PRUNE2: variants seen among roughly 807,000 people sequenced by gnomAD.
The protein encoded by PRUNE2 is protein prune homolog 2.
A neutral mutation model predicts 252.0 loss-of-function variants in PRUNE2; 164 were observed. The ratio of observed to expected loss-of-function variants is 0.65; its 90% CI spans 0.57 to 0.74. PRUNE2 has a LOEUF of 0.74. PRUNE2 is among the 30% of genes least tolerant of loss of function. PRUNE2 has a pLI of 0.00. For synonymous variants in PRUNE2, 1,292 were observed against 1,350.2 expected, an observed-to-expected ratio of 0.96 and a Z score of 0.94; for missense variants, 3,495 against 3,711.0, an observed-to-expected ratio of 0.94 and a Z score of 1.51.
At chr9:76,668,162 T>TCTAA (rs2040561322) in intron 9 of PRUNE2, among the ~76,000 whole-genome samples, 1 of 152,212 alleles carries the variant, frequency 6.6e-6, no homozygotes, top group Non-Finnish European at 1.5e-5. Flanking sequence ...ACATAGCCTT[T>TCTAA]GACCAGCTGT....
chr9:76,816,257 A>T (rs1394089450), intron 6 of PRUNE2, among the ~76,000 whole-genome samples: 1 of 152,172 alleles, frequency 6.6e-6, no homozygotes, highest in Non-Finnish European at 1.5e-5. Flanking sequence ...CACTACCTAC[A>T]TACAAATTGT....
intron 9 of PRUNE2, among the ~76,000 whole-genome samples, chr9:76,693,666 A>G (rs1378195883): frequency 6.6e-6 from 1 of 150,954 alleles, no homozygotes; most frequent in Non-Finnish European, 1.5e-5. Context: ...CTGGTCTTGA[A>G]CTCCTGACCT....
chr9:76,823,800 T>A, intron 5 of PRUNE2, 74 bp from the exon 6 acceptor site: 1 of 866,486 alleles, frequency 1.2e-6, no homozygotes, highest in South Asian at 1.5e-5. Flanking sequence ...AGCGATGTTT[T>A]GAAGAATTTA....
intron 4 of PRUNE2, among the ~76,000 whole-genome samples, chr9:76,840,505 C>T (rs190727347): frequency 2.1e-4 from 32 of 152,250 alleles, no homozygotes; most frequent in African/African-American, 7.7e-4. Context: ...TTTTTTGGTA[C>T]AATGTTTATA....
intron 9 of PRUNE2, among the ~76,000 whole-genome samples, chr9:76,677,938 G>T (rs968240080): frequency 1.3e-5 from 2 of 152,320 alleles, no homozygotes; most frequent in Non-Finnish European, 2.9e-5. Flanking sequence ...ATCCTGGGGC[G>T]AACGGGACAC....
At chr9:76,904,789 G>C (rs7869993) in intron 1 of PRUNE2, among the ~76,000 whole-genome samples, 92,742 of 152,104 alleles carry the variant, frequency 0.61, 29,199 homozygotes, top group African/African-American at 0.78. Flanking sequence ...TTACAAGATA[G>C]TTACAGTTAG....
chr9:76,826,249 G>A (rs2058338287), intron 5 of PRUNE2, among the ~76,000 whole-genome samples: 1 of 152,132 alleles, frequency 6.6e-6, no homozygotes, highest in Admixed American at 6.5e-5. Flanking sequence ...CGATGCAGGT[G>A]GATGACTTGA....
intron 6 of PRUNE2, among the ~76,000 whole-genome samples, chr9:76,780,524 A>T (rs74621465): frequency 0.031 from 4,620 of 150,448 alleles, 216 homozygotes; most frequent in African/African-American, 0.1. Flanking sequence ...TGTTTCTAAT[A>T]AAAAAAAATA....
chr9:76,646,753 A>G (rs1845039752), intron 11 of PRUNE2, among the ~76,000 whole-genome samples: 2 of 152,102 alleles, frequency 1.3e-5, no homozygotes, highest in South Asian at 2.1e-4. Context: ...CTTTCCCTCT[A>G]GTGAACTTTC....
intron 6 of PRUNE2, among the ~76,000 whole-genome samples, chr9:76,720,183 C>A (rs1329015): frequency 3.9e-5 from 6 of 152,018 alleles, no homozygotes; most frequent in African/African-American, 1.5e-4. Flanking sequence ...ACAGTGTTAA[C>A]TGGAAGATAA....
chr9:76,720,391 G>A (rs549580360), intron 6 of PRUNE2, among the ~76,000 whole-genome samples: 7 of 152,286 alleles, frequency 4.6e-5, no homozygotes, highest in Non-Finnish European at 1.5e-5. Context: ...AAAGACCTAC[G>A]AGTCAGCCAA....
chr9:76,703,677 G>T lies in PRUNE2; in HGVS notation c.7936C>A (p.Leu2646Met). The part of the protein sequence containing the change: ...LGHSEVGDPS[L>M]DARDSGPGWS... ...CCAGGCCCTGAGTCCCTGGCATCCA[G>T]TGATGGATCACCAACCTCACTATGG... The change falls in exon 9 of 19, where the codon CTG (leucine) becomes ATG (methionine). Residue 2646 changes from leucine to methionine, a missense_variant. Coordinates refer to ENST00000376718, the MANE Select transcript of PRUNE2 (RefSeq NM_015225.3). The T allele has an allele frequency of 6.2e-7, 1 of 1,613,010 alleles. No individual in the cohort carries two copies. Among genetic ancestry groups the T allele is most frequent in the Non-Finnish European group, 8.5e-7 (1 of 1,179,858 alleles).
chr9:76,685,042 G>A (rs1261465842), intron 9 of PRUNE2, among the ~76,000 whole-genome samples: 5 of 152,134 alleles, frequency 3.3e-5, no homozygotes, highest in African/African-American at 4.8e-5. Context: ...GTGAGCCACC[G>A]CGCCCGGCCA....
chr9:76,615,100 A>C, intron 18 of PRUNE2: 1 of 986,478 alleles, frequency 1.0e-6, no homozygotes, highest in Non-Finnish European at 1.2e-6. Context: ...AGCCTACCTT[A>C]CTGAGATGGA....
chr9:76,841,898 G>C (rs1384087137), intron 4 of PRUNE2, among the ~76,000 whole-genome samples: 2 of 152,132 alleles, frequency 1.3e-5, no homozygotes, highest in Admixed American at 6.6e-5. Flanking sequence ...GTTCCTGCCT[G>C]CTGGCTCTAT....
At chr9:76,837,470 A>ATAATAATAATAAT (rs2059087202) in intron 4 of PRUNE2, among the ~76,000 whole-genome samples, 1 of 65,252 alleles carries the variant, frequency 1.5e-5, no homozygotes, top group African/African-American at 7.0e-5. Flanking sequence ...AATAATAATA[A>ATAATAATAATAAT]TAATAATGCT....
Position 76,823,538 on chromosome 9 carries a change from C to A in PRUNE2, c.756+94G>T, listed in dbSNP as rs914471704. The stretch of plus-strand genomic sequence containing the variant: ...GTATCACAAAGAAGCAAAGGACTAT[C>A]ATGGACTTATCCAATGGAGAGAGTT... On this transcript the variant is annotated intron_variant, in intron 6 of 18. Coordinates refer to ENST00000376718, the MANE Select transcript of PRUNE2 (RefSeq NM_015225.3). 9.0e-5 allele frequency: 71 copies of A among 792,380 alleles called. 1 individual carries two copies. The highest frequency in any genetic ancestry group is 1.4e-4 in the Non-Finnish European group (60 of 442,118). The allele number at this position is 792,380 out of a possible 1,614,324, so 49.1% of individuals were successfully genotyped here.
chr9:76,822,634 C>G (rs1170425071), intron 6 of PRUNE2, among the ~76,000 whole-genome samples: 1 of 152,076 alleles, frequency 6.6e-6, no homozygotes, highest in Admixed American at 6.5e-5. Context: ...ATGGTGAAAC[C>G]CTGTCTCTAC....
At chr9:76,641,641 G>A (rs1451629163) in intron 12 of PRUNE2, among the ~76,000 whole-genome samples, 1 of 152,076 alleles carries the variant, frequency 6.6e-6, no homozygotes, top group Non-Finnish European at 1.5e-5. Context: ...TAATTCATTT[G>A]AAGTCTGGTT....
Sources: allele counts gnomAD v4.1 joint callset (sites outside exome capture counted in the v4.1 genomes callset), GRCh38; gene constraint gnomAD v4.1.1; transcripts MANE v1.5; gene names NCBI Gene and HGNC (gene_info 2026-07-23, HGNC 2026-07-21).